Variants in SPATA16 observed in about 807,000 individuals in gnomAD.
The protein encoded by SPATA16 is spermatogenesis associated 16.
Under a neutral mutation model 63.3 loss-of-function variants are expected in SPATA16, and 36 were observed. That is an observed-to-expected ratio of 0.57 (90% CI 0.44 to 0.75). The LOEUF (loss-of-function observed/expected upper bound fraction) is 0.75, where lower values mean the gene tolerates loss of function less well. Ranked by LOEUF, SPATA16 falls within the 30% of genes least tolerant of loss-of-function variation. The pLI is 0.00. For missense variants in SPATA16, 646 were observed against 679.3 expected (o/e 0.95, Z 0.54); for synonymous variants, 203 against 216.7 (o/e 0.94, Z 0.56).
intron 3 of SPATA16, among the ~76,000 whole-genome samples, chr3:173,029,406 G>GTTTTTTTTTTTT (rs57233262): frequency 3.6e-5 from 5 of 139,868 alleles, no homozygotes; most frequent in African/African-American, 1.4e-4. Flanking sequence ...AGTAATCAGA[G>GTTTTTTTTTTTT]TTTTTTTTTT....
At chr3:173,049,223 T>C (rs1488970544) in intron 2 of SPATA16, 129 bp from the exon 3 acceptor site, 3 of 946,278 alleles carry the variant, frequency 3.2e-6, no homozygotes, top group Admixed American at 2.8e-5. Flanking sequence ...TTTGCGTATA[T>C]GTTAAAAGTA....
At chr3:172,966,474 A>G (rs1474125418) in intron 5 of SPATA16, among the ~76,000 whole-genome samples, 3 of 152,166 alleles carry the variant, frequency 2.0e-5, no homozygotes, top group Non-Finnish European at 4.4e-5. Flanking sequence ...CTATATATAT[A>G]TAATAGCACC....
chr3:172,992,996 G>GA (rs904538344), intron 4 of SPATA16, among the ~76,000 whole-genome samples: 56 of 152,196 alleles, frequency 3.7e-4, no homozygotes, highest in African/African-American at 1.3e-3. Context: ...AACAAACCCA[G>GA]AAAAAGAATG....
intron 5 of SPATA16, among the ~76,000 whole-genome samples, chr3:172,975,165 A>G (rs1281449870): frequency 6.6e-6 from 1 of 152,198 alleles, no homozygotes; most frequent in African/African-American, 2.4e-5. Context: ...ATGTGCTGAC[A>G]TAACAAGATT....
intron 1 of SPATA16, among the ~76,000 whole-genome samples, chr3:173,125,112 T>C (rs943189753): frequency 3.3e-5 from 5 of 152,192 alleles, no homozygotes; most frequent in Non-Finnish European, 5.9e-5. Context: ...TTCTCTAAAA[T>C]TGTCCCTGTC....
chr3:172,898,425 T>C (rs1033836122), intron 10 of SPATA16, among the ~76,000 whole-genome samples: 18 of 151,926 alleles, frequency 1.2e-4, no homozygotes, highest in Non-Finnish European at 1.5e-5. Flanking sequence ...TGAAACTATT[T>C]TATATTGGGT....
chr3:173,059,596 T>G (rs978041633), intron 2 of SPATA16, among the ~76,000 whole-genome samples: 2 of 151,946 alleles, frequency 1.3e-5, no homozygotes, highest in African/African-American at 4.8e-5. Flanking sequence ...TTTTAAAAAC[T>G]TTACCACCTA....
At chr3:173,112,738 T>A (rs1434335273) in intron 2 of SPATA16, among the ~76,000 whole-genome samples, 1 of 152,200 alleles carries the variant, frequency 6.6e-6, no homozygotes, top group African/African-American at 2.4e-5. Flanking sequence ...AAAAAAAGAT[T>A]AGCACCTCAA....
intron 1 of SPATA16, among the ~76,000 whole-genome samples, chr3:173,137,343 C>T (rs902550072): frequency 1.3e-4 from 19 of 151,988 alleles, no homozygotes; most frequent in South Asian, 2.1e-4. Context: ...AAAAATATTG[C>T]GAATTAGGGT....
At chr3:172,897,733 T>C (rs572912138) in intron 10 of SPATA16, among the ~76,000 whole-genome samples, 16 of 152,224 alleles carry the variant, frequency 1.1e-4, no homozygotes, top group Admixed American at 2.6e-4. Flanking sequence ...CTTCCTGTTT[T>C]ACATGCCTTT....
intron 4 of SPATA16, among the ~76,000 whole-genome samples, chr3:173,010,617 T>C (rs1735049213): frequency 6.6e-6 from 1 of 152,174 alleles, no homozygotes; most frequent in South Asian, 2.1e-4. Context: ...TTGCCGCAAC[T>C]GCCCTGCAGA....
intron 2 of SPATA16, among the ~76,000 whole-genome samples, chr3:173,077,139 C>G (rs889369551): frequency 1.3e-5 from 2 of 152,100 alleles, no homozygotes; most frequent in African/African-American, 4.8e-5. Flanking sequence ...TCATATGGCT[C>G]ATAAATAGCT....
chr3:173,019,289 A>G (rs1735262923), intron 4 of SPATA16, among the ~76,000 whole-genome samples, 197 bp downstream of exon 4: 1 of 152,198 alleles, frequency 6.6e-6, no homozygotes. Context: ...AATTTTGTTA[A>G]GAGCTATGAA....
chr3:173,082,161 T>C (rs1461603366), intron 2 of SPATA16, among the ~76,000 whole-genome samples: 1 of 152,120 alleles, frequency 6.6e-6, no homozygotes, highest in East Asian at 1.9e-4. Flanking sequence ...TACCCCAACA[T>C]TTGCAGGGCC....
intron 4 of SPATA16, among the ~76,000 whole-genome samples, chr3:173,009,766 G>A (rs559840061): frequency 1.3e-5 from 2 of 152,336 alleles, no homozygotes; most frequent in African/African-American, 2.4e-5. Flanking sequence ...TTTGAACAAA[G>A]AATTAGAGAA....
chr3:173,117,854 A>G, intron 1 of SPATA16, 105 bp from the exon 2 acceptor site: 2 of 1,547,788 alleles, frequency 1.3e-6, no homozygotes, highest in Non-Finnish European at 1.8e-6. Context: ...CATTATTAGT[A>G]TTTGTTGCCT....
intron 2 of SPATA16, among the ~76,000 whole-genome samples, chr3:173,050,858 C>A (rs1210102565): frequency 6.6e-6 from 1 of 152,094 alleles, no homozygotes; most frequent in African/African-American, 2.4e-5. Flanking sequence ...TAAAAGTCAC[C>A]TGATAAAATT....
chr3:172,895,346 G>A (rs1196582845), intron 10 of SPATA16, among the ~76,000 whole-genome samples: 1 of 151,840 alleles, frequency 6.6e-6, no homozygotes, highest in Non-Finnish European at 1.5e-5. Context: ...CTTGTCTTTT[G>A]TTTTTTGAGA....
At chr3:173,068,904 A>T (rs1736595986) in intron 2 of SPATA16, among the ~76,000 whole-genome samples, 1 of 150,850 alleles carries the variant, frequency 6.6e-6, no homozygotes, top group African/African-American at 2.4e-5. Context: ...AGGTCAGGAG[A>T]TCGAGACCAT....
Sources: allele counts gnomAD v4.1 joint callset (sites outside exome capture counted in the v4.1 genomes callset), GRCh38; gene constraint gnomAD v4.1.1; transcripts MANE v1.5; gene names NCBI Gene and HGNC (gene_info 2026-07-23, HGNC 2026-07-21).